Variants in PTPRZ1 observed in about 807,000 individuals in gnomAD.
PTPRZ1 encodes receptor-type tyrosine-protein phosphatase zeta.
In PTPRZ1, 82 loss-of-function variants were observed where a neutral mutation model predicts 214.1. The ratio of observed to expected loss-of-function variants is 0.38; its 90% CI spans 0.32 to 0.46. The LOEUF (loss-of-function observed/expected upper bound fraction) is 0.46. Ranked by LOEUF, PTPRZ1 falls within the 20% of genes least tolerant of loss-of-function variation. The pLI, the probability that PTPRZ1 is intolerant of heterozygous loss-of-function variation, is 1.00. For missense variants in PTPRZ1, 2,603 were observed against 2,748.7 expected, an observed-to-expected ratio of 0.95 and a Z score of 1.19; for synonymous variants, 945 against 987.9, an observed-to-expected ratio of 0.96 and a Z score of 0.81.
rs772080463 is a variant in PTPRZ1, at chr7:121,997,896, A to G, written c.1130A>G (p.Asn377Ser). Reference protein sequence around the residue: ...GYQDLGAILNNLLPNMSYVLQ... With the variant: ...GYQDLGAILNSLLPNMSYVLQ... ...TTCTTTTAGGGTGCTATTCTCAATA[A>G]TTTGCTACCCAATATGAGTTATGTT... The change falls in exon 10 of 30, where the codon AAT (asparagine) becomes AGT (serine). Residue 377 changes from asparagine (N) to serine (S), a missense_variant. Physicochemically the swap from Asn to Ser is conservative, Grantham distance 46. Transcript: ENST00000393386. The G allele has an allele frequency of 1.2e-6, 2 of 1,607,798 alleles. No individual in the cohort carries two copies. Among genetic ancestry groups the G allele is most frequent in the Non-Finnish European group, 1.7e-6 (2 of 1,175,096 alleles).
chr7:121,966,977 T>A (rs1413709180), intron 2 of PTPRZ1: 2 of 152,162 alleles, frequency 1.3e-5, no homozygotes, highest in Admixed American at 1.3e-4. Flanking sequence ...CTTTCTTCCT[T>A]GTGATGGCCA....
In PTPRZ1 at chr7:121,933,188, AT is replaced by A. The variant is rs1045932392; in HGVS notation, c.124+4975del. Among the ~76,000 whole-genome samples, 340 of 147,036 alleles carry A rather than the reference AT, an allele frequency of 2.3e-3. 1 individual carries two copies. The highest frequency in any genetic ancestry group is 7.9e-3 in the African/African-American group (316 of 39,978). ...AAAAAAGATAAAGTGAAGTCATTTT[AT>A]TTTTTTTAATCTCATGAACACATAG... On this transcript the variant is annotated intron_variant, in intron 2 of 29. Transcript: ENST00000393386.
intron 8 of PTPRZ1, among the ~76,000 whole-genome samples, chr7:121,987,448 C>T (rs752928722): frequency 1.2e-4 from 19 of 152,082 alleles, no homozygotes; most frequent in East Asian, 9.6e-4. Context: ...CTGGGTCAAA[C>T]GGTAGCTCTG....
chr7:122,054,871 T>A, intron 26 of PTPRZ1, 70 bp from the exon 27 acceptor site: 1 of 1,417,642 alleles, frequency 7.1e-7, no homozygotes, highest in Non-Finnish European at 9.4e-7. Flanking sequence ...CCAATTAACT[T>A]TATTTCACAA....
At chr7:122,043,965 C>T (rs948343140) in intron 22 of PTPRZ1, among the ~76,000 whole-genome samples, 5 of 152,128 alleles carry the variant, frequency 3.3e-5, no homozygotes, top group East Asian at 1.9e-4. Flanking sequence ...GAAAGAGTCC[C>T]GTATGTGAAA....
intron 2 of PTPRZ1, among the ~76,000 whole-genome samples, chr7:121,964,078 T>A (rs1038476857): frequency 2.0e-5 from 3 of 152,096 alleles, no homozygotes; most frequent in Non-Finnish European, 4.4e-5. Flanking sequence ...ATTGATCAAA[T>A]TTTTTTGGTT....
chr7:122,025,392 C>T (rs1374705538), intron 13 of PTPRZ1, among the ~76,000 whole-genome samples: 2 of 145,300 alleles, frequency 1.4e-5, no homozygotes, highest in Non-Finnish European at 3.0e-5. Flanking sequence ...TGCAATGGTG[C>T]GATCTCAGCT....
intron 2 of PTPRZ1, among the ~76,000 whole-genome samples, chr7:121,957,304 C>G (rs537408450): frequency 3.9e-5 from 6 of 152,026 alleles, no homozygotes; most frequent in African/African-American, 1.5e-4. Flanking sequence ...TCCCCTTCAG[C>G]CTTTCTCTTG....
Position 122,013,626 on chromosome 7 carries a change from G to A in PTPRZ1, c.4580G>A (p.Gly1527Asp), listed in dbSNP as rs770234806. ...DGKEENDIQT[G>D]SALLPLSPES... ...AAAGAGGAAAATGACATTCAGACTG[G>A]TAGTGCTCTGCTTCCTCTCAGCCCT... The change falls in exon 12 of 30, where the codon GGT becomes GAT. Residue 1527 changes from glycine (G) to aspartate (D), a missense_variant. Gly to Asp is a moderately conservative substitution (Grantham distance 94). This residue lies in a region of PTPRZ1 where 1,913 missense variants were observed against 1,914.3 expected (regional missense o/e 1.00). Transcript: ENST00000393386. The A allele has an allele frequency of 3.7e-6, 6 of 1,614,088 alleles. No individual in the cohort carries two copies. The highest frequency in any genetic ancestry group is 2.2e-5 in the East Asian group (1 of 44,894).
In PTPRZ1 at chr7:121,873,492, G is replaced by A. The variant is rs752295575; in HGVS notation, c.-8G>A. On this transcript the variant is annotated 5_prime_UTR_variant, in exon 1 of 30. Coordinates refer to ENST00000393386, the MANE Select transcript of PTPRZ1 (RefSeq NM_002851.3). The stretch of plus-strand genomic sequence containing the variant: ...GCCGCACGGCGAGGGGCCGCAGACC[G>A]TCTGGAAATGCGAATCCTAAAGCGT... The A allele has an allele frequency of 1.2e-6, 2 of 1,613,844 alleles. No homozygotes were observed. The highest frequency in any genetic ancestry group is 1.7e-6 in the Non-Finnish European group (2 of 1,180,018).
At chr7:121,919,365 T>C (rs1795523431) in intron 1 of PTPRZ1, among the ~76,000 whole-genome samples, 1 of 152,094 alleles carries the variant, frequency 6.6e-6, no homozygotes, top group Non-Finnish European at 1.5e-5. Flanking sequence ...CCCTTATTGA[T>C]TTGTGATAAT....
intron 2 of PTPRZ1, among the ~76,000 whole-genome samples, chr7:121,931,754 C>T (rs1795933310): frequency 6.6e-6 from 1 of 152,130 alleles, no homozygotes; most frequent in Non-Finnish European, 1.5e-5. Context: ...AGACACAGCA[C>T]CTATAGAGTG....
intron 27 of PTPRZ1, among the ~76,000 whole-genome samples, chr7:122,057,385 A>G (rs1397264662): frequency 6.6e-6 from 1 of 151,842 alleles, no homozygotes; most frequent in Admixed American, 6.6e-5. Context: ...TTATTTACAT[A>G]AATAATATTT....
chr7:122,010,222 A>G (rs1346564537), intron 11 of PTPRZ1, 112 bp from the exon 12 acceptor site: 4 of 1,013,724 alleles, frequency 3.9e-6, no homozygotes, highest in Non-Finnish European at 5.7e-6. Context: ...GTGTTTTATG[A>G]GGATGAGAAG....
chr7:121,898,603 C>T (rs1794873462), intron 1 of PTPRZ1, among the ~76,000 whole-genome samples: 1 of 152,078 alleles, frequency 6.6e-6, no homozygotes, highest in Admixed American at 6.6e-5. Context: ...TCTACACTTC[C>T]TTCACGTAGA....
chr7:122,059,281 G>C (rs1255954774), intron 28 of PTPRZ1: 3 of 175,096 alleles, frequency 1.7e-5, no homozygotes, highest in Non-Finnish European at 3.6e-5. Flanking sequence ...TGGCATAGAA[G>C]TGAAATTGAT....
intron 1 of PTPRZ1, among the ~76,000 whole-genome samples, chr7:121,878,638 A>T (rs1409696701): frequency 6.6e-6 from 1 of 152,148 alleles, no homozygotes; most frequent in Admixed American, 6.5e-5. Context: ...CTCCCATAGT[A>T]CATTTTCCAT....
At chr7:121,980,986 C>CA (rs1584707317) in intron 6 of PTPRZ1, among the ~76,000 whole-genome samples, 1 of 151,860 alleles carries the variant, frequency 6.6e-6, no homozygotes, top group East Asian at 1.9e-4. Context: ...ACTAAAAACA[C>CA]AAAAAATTAG....
In PTPRZ1 at chr7:122,011,851, C is replaced by A. The variant is rs779642597; in HGVS notation, c.2805C>A (p.Gly935=). 6.2e-7 allele frequency: 1 copy of A among 1,613,716 alleles called. No individual in the cohort carries two copies. The highest frequency in any genetic ancestry group is 1.1e-5 in the South Asian group (1 of 91,080). ...EPSYALSDNE[G]SQHIFTVSYS... ...CTTATGCCTTGTCTGATAATGAGGG[C>A]TCCCAACACATCTTCACTGTTTCTT... Residue 935 remains glycine (G), a synonymous_variant, in exon 12 of 30, where the codon GGC becomes GGA. Coordinates refer to ENST00000393386, the MANE Select transcript of PTPRZ1 (RefSeq NM_002851.3).
Sources: gnomAD v4.1 joint callset for allele counts (sites outside exome capture counted in the v4.1 genomes callset) on GRCh38, gnomAD v4.1.1 for gene constraint, gnomAD v4.1.1 regional missense constraint, MANE v1.5 for transcripts, NCBI Gene and HGNC (gene_info 2026-07-23, HGNC 2026-07-21) for gene names.